L3MBTL4: variants seen among roughly 807,000 people sequenced by gnomAD.
L3MBTL4 encodes lethal(3)malignant brain tumor-like protein 4.
In L3MBTL4, 70 loss-of-function variants were observed where a neutral mutation model predicts 84.5. That is an observed-to-expected ratio of 0.83 (90% CI 0.68 to 1.01). The LOEUF (loss-of-function observed/expected upper bound fraction) is 1.01, where lower values mean the gene tolerates loss of function less well. L3MBTL4 is among the 50% of genes least tolerant of loss of function. The probability of loss-of-function intolerance (pLI) is 0.00; values close to 1 mark genes in which losing one functional copy is unlikely to be tolerated. For synonymous variants in L3MBTL4, 274 were observed against 259.8 expected, an observed-to-expected ratio of 1.05 and a Z score of -0.52; for missense variants, 715 against 754.8, an observed-to-expected ratio of 0.95 and a Z score of 0.62.
chr18:5,984,790 C>T (rs550920287), intron 16 of L3MBTL4, among the ~76,000 whole-genome samples: 20 of 152,092 alleles, frequency 1.3e-4, no homozygotes, highest in Non-Finnish European at 2.6e-4. Context: ...TATTTTTGGA[C>T]CTTGGCTTTC....
intron 3 of L3MBTL4, among the ~76,000 whole-genome samples, chr18:6,308,291 T>C (rs1236039974): frequency 6.6e-6 from 1 of 152,094 alleles, no homozygotes; most frequent in Non-Finnish European, 1.5e-5. Context: ...GTAAAACATA[T>C]AACAAATCCC....
intron 16 of L3MBTL4, among the ~76,000 whole-genome samples, chr18:6,037,120 T>G (rs1389036436): frequency 6.6e-6 from 1 of 152,156 alleles, no homozygotes; most frequent in Non-Finnish European, 1.5e-5. Flanking sequence ...GAAGCAGCAA[T>G]CAGCAGTCAG....
intron 14 of L3MBTL4, among the ~76,000 whole-genome samples, chr18:6,110,811 G>T (rs1315089668): frequency 6.6e-6 from 1 of 152,098 alleles, no homozygotes; most frequent in African/African-American, 2.4e-5. Flanking sequence ...CTATTTTGTA[G>T]AGTAATAAAA....
At chr18:6,098,168 G>A (rs1177432775) in intron 14 of L3MBTL4, among the ~76,000 whole-genome samples, 1 of 152,134 alleles carries the variant, frequency 6.6e-6, no homozygotes, top group Non-Finnish European at 1.5e-5. Flanking sequence ...TTCTCTCTGA[G>A]AGCCCTGTTC....
At position 6,337,415 on chromosome 18, in the gene L3MBTL4, C is replaced by G. The variant is rs141475201; in HGVS notation, c.-90-25359G>C. On this transcript the variant is annotated intron_variant, in intron 1 of 18. Coordinates refer to ENST00000317931, the MANE Select transcript of L3MBTL4 (RefSeq NM_001330559.2). The stretch of plus-strand genomic sequence containing the variant: ...TGATACAGTCATTAAACAGAATGAA[C>G]AAGCAATGTATAGTAATGAGAATAA... Among the ~76,000 whole-genome samples, 182 of 152,114 alleles carry G rather than the reference C, an allele frequency of 1.2e-3. 1 individual carries two copies. Among genetic ancestry groups the G allele is most frequent in the African/African-American group, 4.2e-3 (176 of 41,532 alleles).
chr18:6,409,430 G>T lies in L3MBTL4; in HGVS notation c.-91+5371C>A, dbSNP rs576988529. ...CATTGACCCTTCAGGAACTTGGAAG[G>T]TCCCAATATCAGCATCAGTGTTGGG... is the stretch of plus-strand genomic sequence containing the variant. On this transcript the variant is annotated intron_variant, in intron 1 of 18. Coordinates refer to ENST00000317931, the MANE Select transcript of L3MBTL4 (RefSeq NM_001330559.2). Among the ~76,000 whole-genome samples, 99 of 152,336 alleles carry T rather than the reference G, an allele frequency of 6.5e-4. 1 individual carries two copies. Among genetic ancestry groups the T allele is most frequent in the Admixed American group, 2.0e-3 (30 of 15,300 alleles).
At chr18:6,019,786 A>G (rs2145484261) in intron 16 of L3MBTL4, among the ~76,000 whole-genome samples, 1 of 152,352 alleles carries the variant, frequency 6.6e-6, no homozygotes, top group African/African-American at 2.4e-5. Context: ...ACTTTTAAAG[A>G]TCAACTCATG....
intron 4 of L3MBTL4, among the ~76,000 whole-genome samples, chr18:6,295,889 T>C (rs1404257640): frequency 6.6e-6 from 1 of 152,150 alleles, no homozygotes; most frequent in Non-Finnish European, 1.5e-5. Context: ...GGGGCAGAGT[T>C]CTCATGAACG....
rs922635049 is a variant in L3MBTL4, at chr18:6,234,216, C to A, written c.784+3748G>T. ...TAGACCTAAAACCATAAAAACCCTA[C>A]AAGAAAACCTAGGCAGTACCATTCA... On this transcript the variant is annotated intron_variant, in intron 10 of 18. Coordinates refer to ENST00000317931, the MANE Select transcript of L3MBTL4 (RefSeq NM_001330559.2). Among the ~76,000 whole-genome samples the A allele has an allele frequency of 2.0e-5, 3 of 152,018 alleles. 1 individual carries two copies. The highest frequency in any genetic ancestry group is 6.3e-3 in the Middle Eastern group (2 of 316).
intron 15 of L3MBTL4, among the ~76,000 whole-genome samples, chr18:6,085,543 T>C (rs2143425738): frequency 6.6e-6 from 1 of 152,332 alleles, no homozygotes; most frequent in South Asian, 2.1e-4. Context: ...ATGGGGGCAG[T>C]TTCCCCATGC....
chr18:6,407,581 T>C (rs2055787922), intron 1 of L3MBTL4, among the ~76,000 whole-genome samples: 1 of 152,208 alleles, frequency 6.6e-6, no homozygotes, highest in Non-Finnish European at 1.5e-5. Flanking sequence ...ATGATCATAA[T>C]TATAATAAAA....
At position 6,143,437 on chromosome 18, in the gene L3MBTL4, A is replaced by G. The variant is rs1349015659; in HGVS notation, c.1097-5141T>C. ...CTCATTAAATTTTGTATGATGAAGT[A>G]TAATAGGTTGAATCAATGGCAAATG... is the stretch of plus-strand genomic sequence containing the variant. On this transcript the variant is annotated intron_variant, in intron 13 of 18. Transcript: ENST00000317931. Among the ~76,000 whole-genome samples the G allele has an allele frequency of 4.6e-5, 7 of 152,340 alleles. No individual in the cohort carries two copies. In the East Asian group the frequency reaches 7.7e-4, roughly 17 times the overall value.
intron 10 of L3MBTL4, among the ~76,000 whole-genome samples, chr18:6,235,336 A>G (rs1379756906): frequency 6.6e-6 from 1 of 152,212 alleles, no homozygotes; most frequent in African/African-American, 2.4e-5. Flanking sequence ...ACAAATTTTA[A>G]AAAAGAAATA....
chr18:6,269,226 C>T (rs1262235903), intron 4 of L3MBTL4, among the ~76,000 whole-genome samples: 1 of 152,162 alleles, frequency 6.6e-6, no homozygotes, highest in Non-Finnish European at 1.5e-5. Context: ...ACTTGGGAGG[C>T]TGAGGCGGGC....
intron 9 of L3MBTL4, among the ~76,000 whole-genome samples, chr18:6,238,762 T>G (rs1027144988): frequency 6.6e-6 from 1 of 152,052 alleles, no homozygotes; most frequent in South Asian, 2.1e-4. Flanking sequence ...CAACAATACC[T>G]CTCTGCTTTG....
At chr18:6,018,353 C>T (rs2055095795) in intron 16 of L3MBTL4, among the ~76,000 whole-genome samples, 1 of 152,182 alleles carries the variant, frequency 6.6e-6, no homozygotes, top group Admixed American at 6.5e-5. Flanking sequence ...TGAGCATGTG[C>T]ACGTGAGCAA....
At chr18:6,270,020 T>A (rs2048798732) in intron 4 of L3MBTL4, among the ~76,000 whole-genome samples, 1 of 152,208 alleles carries the variant, frequency 6.6e-6, no homozygotes, top group Admixed American at 6.5e-5. Flanking sequence ...TGGTGATATT[T>A]CCATTTCATT....
intron 16 of L3MBTL4, among the ~76,000 whole-genome samples, chr18:5,995,112 A>T (rs1456979716): frequency 1.3e-5 from 2 of 152,286 alleles, no homozygotes; most frequent in Non-Finnish European, 1.5e-5. Context: ...CTAGAGAAAC[A>T]TGTGCGTCCA....
intron 14 of L3MBTL4, among the ~76,000 whole-genome samples, chr18:6,107,727 G>A (rs2059058047): frequency 6.6e-6 from 1 of 152,166 alleles, no homozygotes; most frequent in Non-Finnish European, 1.5e-5. Flanking sequence ...CTGCAGGTGA[G>A]CAGAGGTAGA....
Sources: allele counts gnomAD v4.1 joint callset (sites outside exome capture counted in the v4.1 genomes callset), GRCh38; gene constraint gnomAD v4.1.1; transcripts MANE v1.5; gene names NCBI Gene and HGNC (gene_info 2026-07-23, HGNC 2026-07-21).